The following STPG2 variants were observed in gnomAD, a reference collection of about 807,000 sequenced individuals.
STPG2 encodes the protein sperm-tail PG-rich repeat-containing protein 2.
A neutral mutation model predicts 54.2 loss-of-function variants in STPG2; 56 were observed. The observed-to-expected ratio is 1.03, with a 90% confidence interval of 0.83 to 1.29. The LOEUF (loss-of-function observed/expected upper bound fraction) is 1.29, where lower values mean the gene tolerates loss of function less well. Ranked by LOEUF, STPG2 falls within the 50% of genes most tolerant of loss-of-function variation. The pLI, the probability that STPG2 is intolerant of heterozygous loss-of-function variation, is 0.00. For synonymous variants in STPG2, 200 were observed against 181.8 expected (o/e 1.10, Z -0.81); for missense variants, 596 against 544.9 (o/e 1.09, Z -0.93).
At chr4:98,077,545 T>G (rs1738211152) in intron 5 of STPG2, among the ~76,000 whole-genome samples, 1 of 152,092 alleles carries the variant, frequency 6.6e-6, no homozygotes, top group Admixed American at 6.6e-5. Context: ...CCTCCATATT[T>G]TTAAGAGTAT....
intron 4 of STPG2, among the ~76,000 whole-genome samples, chr4:97,445,028 C>G (rs1162899964): frequency 6.6e-6 from 1 of 152,082 alleles, no homozygotes; most frequent in Non-Finnish European, 1.5e-5. Flanking sequence ...CAGAGCAAGA[C>G]TCCATCTCAA....
intron 10 of STPG2, among the ~76,000 whole-genome samples, chr4:97,621,035 G>A (rs140973758): frequency 6.6e-6 from 1 of 152,182 alleles, no homozygotes; most frequent in African/African-American, 2.4e-5. Flanking sequence ...CTGAATGACC[G>A]AGGGTGGGGA....
At chr4:98,132,785 T>C (rs908671240) in intron 2 of STPG2, among the ~76,000 whole-genome samples, 5 of 151,954 alleles carry the variant, frequency 3.3e-5, no homozygotes, top group Admixed American at 1.3e-4. Context: ...CAATTATAGT[T>C]GTCAGTTTTA....
rs141141084 is a variant in STPG2, at chr4:97,535,156, T to C, written c.462+177543A>G. Among the ~76,000 whole-genome samples, 10 of 152,316 alleles carry C rather than the reference T, an allele frequency of 6.6e-5. No individual in the cohort carries two copies. The East Asian group carries it at 1.2e-3, about 18-fold the overall frequency. ...CATTTGGGCAAATACTTAGGATGGA[T>C]TGCTAGTTTGTATGGTAAGTAGATA... On this transcript the variant is annotated intron_variant, in intron 4 of 4. Coordinates refer to the STPG2 transcript ENST00000522676.
intron 8 of STPG2, among the ~76,000 whole-genome samples, chr4:97,926,892 A>G (rs1258995195): frequency 6.6e-6 from 1 of 152,104 alleles, no homozygotes; most frequent in African/African-American, 2.4e-5. Context: ...AGCTAAAAAT[A>G]TAGTAGGCTT....
chr4:97,929,982 C>T (rs1371304570), intron 8 of STPG2, among the ~76,000 whole-genome samples: 2 of 152,142 alleles, frequency 1.3e-5, no homozygotes, highest in Non-Finnish European at 2.9e-5. Context: ...TCACTGCAAC[C>T]TCCACCTCCC....
chr4:97,789,417 A>G (rs561612913), intron 9 of STPG2, among the ~76,000 whole-genome samples: 1 of 152,214 alleles, frequency 6.6e-6, no homozygotes, highest in South Asian at 2.1e-4. Context: ...AAAGCCAAAC[A>G]TAAAAAAGTT....
intron 9 of STPG2, among the ~76,000 whole-genome samples, chr4:97,818,501 G>A (rs182668191): frequency 1.1e-4 from 17 of 151,220 alleles, no homozygotes; most frequent in African/African-American, 4.1e-4. Flanking sequence ...CCTATTTTCA[G>A]ACTGCACTTG....
chr4:97,989,251 A>G (rs1372602008), intron 5 of STPG2, among the ~76,000 whole-genome samples: 1 of 152,206 alleles, frequency 6.6e-6, no homozygotes, highest in African/African-American at 2.4e-5. Flanking sequence ...AAAATATGCA[A>G]TAAATATAGA....
chr4:98,024,666 T>C (rs902231418), intron 5 of STPG2, among the ~76,000 whole-genome samples: 10 of 152,236 alleles, frequency 6.6e-5, no homozygotes, highest in African/African-American at 2.4e-4. Context: ...GACATATTTG[T>C]AAATGCTATT....
At chr4:97,909,136 A>G (rs1291468817) in intron 8 of STPG2, among the ~76,000 whole-genome samples, 1 of 151,448 alleles carries the variant, frequency 6.6e-6, no homozygotes, top group East Asian at 1.9e-4. Flanking sequence ...ACAAACAGAA[A>G]GAGTGAAAAA....
At chr4:97,734,464 A>G (rs1724907326) in intron 9 of STPG2, among the ~76,000 whole-genome samples, 1 of 151,894 alleles carries the variant, frequency 6.6e-6, no homozygotes, top group Non-Finnish European at 1.5e-5. Context: ...GTTCCCCTCT[A>G]TGTGTCCATG....
intron 10 of STPG2, among the ~76,000 whole-genome samples, chr4:97,567,195 CACACACACACACACAT>C (rs1732475145): frequency 6.9e-6 from 1 of 145,080 alleles, no homozygotes; most frequent in Non-Finnish European, 1.6e-5. Flanking sequence ...CTGTAACACA[CACACACACACACACAT>C]ACACACACAC....
intron 5 of STPG2, among the ~76,000 whole-genome samples, chr4:98,094,837 T>G (rs1411932307): frequency 1.3e-5 from 2 of 152,180 alleles, no homozygotes; most frequent in African/African-American, 4.8e-5. Flanking sequence ...TTAGCCACAG[T>G]ATAATAGAAC....
At chr4:97,653,132 T>TAGATAGAC (rs1248487339) in intron 10 of STPG2, among the ~76,000 whole-genome samples, 28 of 152,036 alleles carry the variant, frequency 1.8e-4, no homozygotes, top group Middle Eastern at 6.8e-3. Context: ...GATAGATAGA[T>TAGATAGAC]AGACAGATAC....
chr4:97,852,630 C>CT (rs1362696866), intron 8 of STPG2, among the ~76,000 whole-genome samples: 3 of 152,112 alleles, frequency 2.0e-5, no homozygotes, highest in African/African-American at 7.2e-5. Flanking sequence ...TTATAAATAT[C>CT]TCAGCATCCC....
At chr4:97,675,474 A>G (rs770120353) in intron 10 of STPG2, among the ~76,000 whole-genome samples, 1 of 152,072 alleles carries the variant, frequency 6.6e-6, no homozygotes, top group South Asian at 2.1e-4. Context: ...AAAGAAAAAA[A>G]CTCTGTATTC....
chr4:97,650,391 A>G (rs1284101719), intron 10 of STPG2, among the ~76,000 whole-genome samples: 1 of 152,158 alleles, frequency 6.6e-6, no homozygotes, highest in African/African-American at 2.4e-5. Context: ...CAAGGTGGTC[A>G]GGGTGAGGCT....
At chr4:97,616,683 T>C (rs1298189395) in intron 10 of STPG2, among the ~76,000 whole-genome samples, 1 of 152,164 alleles carries the variant, frequency 6.6e-6, no homozygotes, top group Non-Finnish European at 1.5e-5. Flanking sequence ...CTAGTGATGA[T>C]GTCAGTATGG....
Sources: gnomAD v4.1 joint callset for allele counts (sites outside exome capture counted in the v4.1 genomes callset) on GRCh38, gnomAD v4.1.1 for gene constraint, MANE v1.5 for transcripts, NCBI Gene and HGNC (gene_info 2026-07-23, HGNC 2026-07-21) for gene names.